ADGRF4: variants seen among roughly 807,000 people sequenced by gnomAD.
ADGRF4 encodes G-protein coupled receptor PGR18.
In ADGRF4, 63 loss-of-function variants were observed where a neutral mutation model predicts 58.5. That is an observed-to-expected ratio of 1.08 (90% CI 0.88 to 1.33). The LOEUF (loss-of-function observed/expected upper bound fraction) is 1.33, where lower values mean the gene tolerates loss of function less well. ADGRF4 is among the 40% of genes most tolerant of loss of function. The pLI is 0.00. For synonymous variants in ADGRF4, 313 were observed against 295.4 expected (o/e 1.06, Z -0.61); for missense variants, 931 against 843.9 (o/e 1.10, Z -1.28).
intron 3 of ADGRF4, among the ~76,000 whole-genome samples, chr6:47,709,011 C>T (rs1348008016): frequency 6.6e-6 from 1 of 150,878 alleles, no homozygotes; most frequent in Admixed American, 6.6e-5. Context: ...GAGAACTACT[C>T]TGGTTAATGA....
At chr6:47,713,726 C>A in intron 5 of ADGRF4, 72 bp from the exon 6 acceptor site, 2 of 1,214,318 alleles carry the variant, frequency 1.6e-6, no homozygotes, top group South Asian at 2.0e-5. Flanking sequence ...TTAGAAATTT[C>A]AGGTTTTAGA....
intron 7 of ADGRF4, 83 bp downstream of exon 7, chr6:47,716,930 G>T: frequency 6.5e-6 from 6 of 924,216 alleles, no homozygotes; most frequent in South Asian, 1.4e-5. Flanking sequence ...TGATTGGAGA[G>T]CATACTCCAG....
intron 1 of ADGRF4, among the ~76,000 whole-genome samples, chr6:47,702,977 T>C (rs541242108): frequency 6.6e-6 from 1 of 152,350 alleles, no homozygotes; most frequent in South Asian, 2.1e-4. Flanking sequence ...GTACTGACCA[T>C]GGTTTGCTTA....
intron 7 of ADGRF4, 80 bp from the exon 8 acceptor site, chr6:47,717,212 G>A (rs1176804706): frequency 1.0e-6 from 1 of 965,246 alleles, no homozygotes; most frequent in African/African-American, 1.6e-5. Context: ...AGGGTTACTG[G>A]TCTTAAAGTT....
intron 4 of ADGRF4, among the ~76,000 whole-genome samples, chr6:47,712,096 A>G (rs142686202): frequency 9.5e-4 from 145 of 152,330 alleles, no homozygotes; most frequent in African/African-American, 3.4e-3. Context: ...TTGTTATAAT[A>G]CTTGAGTTAA....
chr6:47,700,126 C>A (rs952020164), intron 1 of ADGRF4, among the ~76,000 whole-genome samples: 2 of 152,090 alleles, frequency 1.3e-5, no homozygotes, highest in Non-Finnish European at 2.9e-5. Flanking sequence ...GGAGAGGAAC[C>A]CTTTGGGAAA....
rs1300081648 is a variant in ADGRF4 at position 47,698,725 on chromosome 6, G to C, written c.-86G>C. 6.6e-6 allele frequency: 1 copy of C among 152,226 alleles called. No individual in the cohort carries two copies. Among genetic ancestry groups the C allele is most frequent in the Non-Finnish European group, 1.5e-5 (1 of 68,092 alleles). The allele number at this position is 152,226 out of a possible 1,614,324, so 9.4% of individuals were successfully genotyped here. A position where few individuals can be genotyped will look rare whatever the true frequency, so the allele number is the denominator to read the frequency against. ...CGTGATGGTGAGGCATCATGCTAGG[G>C]AGCTGAGCTCTGACCTTCCTGCTGG... On this transcript the variant is annotated 5_prime_UTR_variant, in exon 1 of 10. Coordinates refer to ENST00000283303, the MANE Select transcript of ADGRF4 (RefSeq NM_153838.5).
chr6:47,717,921 A>T (rs891336864), intron 8 of ADGRF4, among the ~76,000 whole-genome samples: 3 of 152,234 alleles, frequency 2.0e-5, no homozygotes. Context: ...TAAGGCACCA[A>T]GTAAAATTGC....
In ADGRF4 at chr6:47,714,650, G is replaced by A. The variant is rs1450710575; in HGVS notation, c.1405G>A (p.Asp469Asn). 1.2e-6 allele frequency: 2 copies of A among 1,614,164 alleles called. No homozygotes were observed. The highest frequency in any genetic ancestry group is 2.2e-5 in the East Asian group (1 of 44,884). ...IGSHFNIKAQ[D>N]YNMCVAVTFF... The stretch of plus-strand genomic sequence containing the variant: ...CTCTCACTTTAACATTAAGGCCCAG[G>A]ACTACAACATGTGTGTTGCAGTGAC... Residue 469 changes from aspartate (D) to asparagine (N), a missense_variant, in exon 6 of 10, where the codon GAC becomes AAC. Coordinates refer to ENST00000283303, the MANE Select transcript of ADGRF4 (RefSeq NM_153838.5).
At chr6:47,701,516 A>G (rs184391133) in intron 1 of ADGRF4, among the ~76,000 whole-genome samples, 3 of 152,360 alleles carry the variant, frequency 2.0e-5, no homozygotes, top group East Asian at 3.9e-4. Flanking sequence ...GAGGGAATTT[A>G]TAAATGACTA....
Position 47,715,757 on chromosome 6 carries a change from G to T in ADGRF4, c.1932+580G>T, listed in dbSNP as rs114508483. On this transcript the variant is annotated intron_variant, in intron 6 of 9. Transcript: ENST00000283303. ...ACTATTTGGTTCTTTGCAGTAGAAT[G>T]TTCCCCACTACTCTTTTAAATAATG... Among the ~76,000 whole-genome samples the T allele has an allele frequency of 4.3e-3, 662 of 152,282 alleles. 3 individuals are homozygous for T. The highest frequency in any genetic ancestry group is 0.014 in the African/African-American group (577 of 41,554).
intron 1 of ADGRF4, among the ~76,000 whole-genome samples, chr6:47,703,567 G>A (rs1439470676): frequency 6.6e-6 from 1 of 152,118 alleles, no homozygotes; most frequent in African/African-American, 2.4e-5. Flanking sequence ...ATATCGGAAG[G>A]AAATTTACTA....
chr6:47,702,002 C>A (rs1771600961), intron 1 of ADGRF4, among the ~76,000 whole-genome samples: 1 of 152,128 alleles, frequency 6.6e-6, no homozygotes, highest in South Asian at 2.1e-4. Context: ...CCACGCCTGG[C>A]TCATTTTTTT....
chr6:47,711,679 T>G (rs2113902121), intron 4 of ADGRF4, among the ~76,000 whole-genome samples: 1 of 152,286 alleles, frequency 6.6e-6, no homozygotes, highest in Non-Finnish European at 1.5e-5. Context: ...AAAATCTCTT[T>G]TATATCCTTC....
intron 2 of ADGRF4, 80 bp downstream of exon 2, chr6:47,707,418 T>A (rs1323094153): frequency 2.4e-6 from 2 of 832,846 alleles, no homozygotes; most frequent in Admixed American, 1.8e-5. Flanking sequence ...ATAAATAAGA[T>A]GTCATTTTAA....
chr6:47,714,097 G>A lies in ADGRF4; in HGVS notation c.852G>A (p.Trp284Ter), dbSNP rs1177036004. Residue 284 changes from tryptophan to a stop codon, truncating the protein, a stop_gained, in exon 6 of 10, where the codon TGG becomes TGA. Transcript: ENST00000283303. LOFTEE classifies it high-confidence loss of function. ...QIPRQELRKLWPNASQAISIA... is the reference protein window; with the variant it reads ...QIPRQELRKL ...CCAGGCAAGAGCTAAGGAAGCTGTG[G>A]CCAAATGCATCCCAAGCCATTAGCA... The A allele has an allele frequency of 1.2e-6, 2 of 1,614,044 alleles. No homozygotes were observed. Among genetic ancestry groups the A allele is most frequent in the Non-Finnish European group, 1.7e-6 (2 of 1,180,010 alleles).
chr6:47,714,892 T>C lies in ADGRF4; in HGVS notation c.1647T>C (p.Cys549=), dbSNP rs1259712419. The C allele has an allele frequency of 6.2e-7, 1 of 1,610,456 alleles. No homozygotes were observed. Among genetic ancestry groups the C allele is most frequent in the East Asian group, 2.2e-5 (1 of 44,722 alleles). ...PEKGYMRPEA[C]WLNWDNTKAL... is the part of the protein sequence containing the mutation. ...AAGGCTACATGAGACCTGAGGCCTGTTGGCTTAACTGGGACAATACCAAAG... is the reference window on the plus strand; with the variant it reads ...AAGGCTACATGAGACCTGAGGCCTGCTGGCTTAACTGGGACAATACCAAAG... Residue 549 remains cysteine (C), a synonymous_variant, in exon 6 of 10, where the codon TGT becomes TGC. Transcript: ENST00000283303.
chr6:47,717,387 T>C (rs1186084828), intron 8 of ADGRF4, 36 bp downstream of exon 8: 17 of 1,425,174 alleles, frequency 1.2e-5, no homozygotes, highest in Non-Finnish European at 1.6e-5. Flanking sequence ...CCCTGGAGAG[T>C]CCGTGTCCTT....
In ADGRF4 at chr6:47,714,236, G is replaced by T; in HGVS notation, c.991G>T (p.Glu331Ter). 1 of 1,614,096 alleles carries T rather than the reference G, an allele frequency of 6.2e-7. No individual in the cohort carries two copies. The highest frequency in any genetic ancestry group is 8.5e-7 in the Non-Finnish European group (1 of 1,180,022). ...AGTGGTTTTACCAGAAAGGTTGCAA[G>T]AAATCATACTCACCTTCGAAAAGAT... ...LSVVLPERLQEIILTFEKINK... is the reference protein window; with the variant it reads ...LSVVLPERLQ The change falls in exon 6 of 10, where the codon GAA becomes TAA. Residue 331 changes from glutamate (E) to a stop codon, truncating the protein, a stop_gained. Coordinates refer to ENST00000283303, the MANE Select transcript of ADGRF4 (RefSeq NM_153838.5). LOFTEE classifies it high-confidence loss of function.
Sources: gnomAD v4.1 joint callset for allele counts (sites outside exome capture counted in the v4.1 genomes callset) on GRCh38, gnomAD v4.1.1 for gene constraint, MANE v1.5 for transcripts, NCBI Gene and HGNC (gene_info 2026-07-23, HGNC 2026-07-21) for gene names.